The following CBLN2 variants were observed in gnomAD, a reference collection of about 807,000 sequenced individuals.
CBLN2 encodes cerebellin-2.
In CBLN2, 7 loss-of-function variants were observed where a neutral mutation model predicts 15.0. The ratio of observed to expected loss-of-function variants is 0.47; its 90% CI spans 0.27 to 0.88. The LOEUF is 0.88. CBLN2 is among the 40% of genes least tolerant of loss of function. The probability of loss-of-function intolerance (pLI) is 0.14; values close to 1 mark genes in which losing one functional copy is unlikely to be tolerated. For missense variants in CBLN2, 242 were observed against 304.5 expected, an observed-to-expected ratio of 0.79 and a Z score of 1.53; for synonymous variants, 149 against 135.2, an observed-to-expected ratio of 1.10 and a Z score of -0.71.
intron 2 of CBLN2, among the ~76,000 whole-genome samples, chr18:72,542,603 C>G (rs958630731): frequency 2.0e-5 from 3 of 152,102 alleles, no homozygotes; most frequent in Admixed American, 6.5e-5. Context: ...AGACGGGCCC[C>G]GAGACCCTCA....
intron 1 of CBLN2, among the ~76,000 whole-genome samples, chr18:72,614,167 C>A (rs2069641767): frequency 6.6e-6 from 1 of 152,114 alleles, no homozygotes; most frequent in Admixed American, 6.5e-5. Context: ...TAAAGTGGTA[C>A]CTTTACCTTT....
chr18:72,591,675 C>G (rs1210398871), intron 1 of CBLN2, among the ~76,000 whole-genome samples: 1 of 152,122 alleles, frequency 6.6e-6, no homozygotes. Context: ...TGGTAACCAT[C>G]ATTCTACTCT....
intron 1 of CBLN2, among the ~76,000 whole-genome samples, chr18:72,555,180 A>T (rs2069217850): frequency 1.3e-5 from 2 of 152,036 alleles, no homozygotes; most frequent in Non-Finnish European, 2.9e-5. Context: ...GAGAGGGAAA[A>T]AAAAGCAAAT....
intron 1 of CBLN2, among the ~76,000 whole-genome samples, chr18:72,635,103 C>T (rs1237839751): frequency 3.3e-5 from 5 of 152,078 alleles, no homozygotes; most frequent in South Asian, 2.1e-4. Flanking sequence ...TTGTTAAACA[C>T]TCAATTGAGC....
intron 1 of CBLN2, among the ~76,000 whole-genome samples, chr18:72,603,595 A>AT (rs1324790897): frequency 2.0e-5 from 3 of 152,186 alleles, no homozygotes; most frequent in African/African-American, 7.2e-5. Context: ...AATAATATAT[A>AT]TCTTCCTTTT....
chr18:72,540,970 A>G (rs1452656146), intron 3 of CBLN2, among the ~76,000 whole-genome samples: 3 of 152,222 alleles, frequency 2.0e-5, no homozygotes, highest in African/African-American at 7.2e-5. Context: ...TTTCTGAAAA[A>G]CAACAGAAAC....
chr18:72,538,200 C>T lies in CBLN2; in HGVS notation c.651G>A (p.Ser217=), dbSNP rs374962749. The change falls in exon 5 of 5, where the codon TCG becomes TCA. Residue 217 remains serine, a synonymous_variant. Transcript: ENST00000269503. ...TTTATAGAGGAAACACCAAGAAGCC[C>T]GAGAATGTGGAGTATTTCCAGCCCC... ...LMGGWKYSTF[S]GFLVFPL 8 of 1,613,920 alleles carry T rather than the reference C, an allele frequency of 5.0e-6. No individual in the cohort carries two copies. Among genetic ancestry groups the T allele is most frequent in the African/African-American group, 1.3e-5 (1 of 74,860 alleles).
At chr18:72,580,245 A>T (rs978363987) in intron 1 of CBLN2, among the ~76,000 whole-genome samples, 30 of 152,156 alleles carry the variant, frequency 2.0e-4, no homozygotes, top group Non-Finnish European at 4.0e-4. Context: ...ATACTTTATA[A>T]AAATGCTTAA....
At chr18:72,635,945 T>C (rs902050792) in intron 1 of CBLN2, among the ~76,000 whole-genome samples, 2 of 152,170 alleles carry the variant, frequency 1.3e-5, no homozygotes, top group Non-Finnish European at 2.9e-5. Context: ...ACCTGCAAAT[T>C]CTTTTAAGGT....
chr18:72,590,828 T>C (rs180914437), intron 1 of CBLN2, among the ~76,000 whole-genome samples: 208 of 152,334 alleles, frequency 1.4e-3, no homozygotes, highest in Middle Eastern at 3.4e-3. Context: ...GACCAAGTCA[T>C]AGAATACTAA....
At chr18:72,570,308 G>A (rs2069323244) in intron 1 of CBLN2, among the ~76,000 whole-genome samples, 1 of 138,404 alleles carries the variant, frequency 7.2e-6, no homozygotes, top group African/African-American at 2.7e-5. Flanking sequence ...TTTTCCCGCG[G>A]CTTACTGCAG....
intron 1 of CBLN2, among the ~76,000 whole-genome samples, chr18:72,610,453 A>G (rs2069614466): frequency 6.6e-6 from 1 of 152,066 alleles, no homozygotes; most frequent in African/African-American, 2.4e-5. Flanking sequence ...TTTTTGTGTA[A>G]TACTATTTTT....
chr18:72,547,752 A>G (rs992498200), upstream of CBLN2, among the ~76,000 whole-genome samples: 4 of 152,150 alleles, frequency 2.6e-5, no homozygotes, highest in Non-Finnish European at 5.9e-5. Flanking sequence ...AATTTATATG[A>G]GGTGATATAT....
chr18:72,584,845 T>G (rs574515154), intron 1 of CBLN2, among the ~76,000 whole-genome samples: 1 of 152,160 alleles, frequency 6.6e-6, no homozygotes, highest in Non-Finnish European at 1.5e-5. Context: ...GCCCGAGTTT[T>G]GATAAGGCCC....
intron 1 of CBLN2, among the ~76,000 whole-genome samples, chr18:72,552,342 C>T (rs2069196881): frequency 6.6e-6 from 1 of 152,016 alleles, no homozygotes. Flanking sequence ...CCTTGACCTC[C>T]CAAAATGCCA....
chr18:72,553,071 C>A (rs1303567931), intron 1 of CBLN2, among the ~76,000 whole-genome samples: 1 of 152,164 alleles, frequency 6.6e-6, no homozygotes, highest in Non-Finnish European at 1.5e-5. Flanking sequence ...GAACTTTGTG[C>A]AAAATGCTGC....
intron 1 of CBLN2, among the ~76,000 whole-genome samples, chr18:72,553,129 AGAG>A (rs2069201469): frequency 6.6e-6 from 1 of 152,228 alleles, no homozygotes; most frequent in Non-Finnish European, 1.5e-5. Context: ...CAGGAGCAGA[AGAG>A]GAGGACTCAC....
intron 1 of CBLN2, among the ~76,000 whole-genome samples, chr18:72,598,913 G>T (rs1424666053): frequency 6.6e-6 from 1 of 152,184 alleles, no homozygotes; most frequent in East Asian, 1.9e-4. Context: ...ATGCCACATG[G>T]TCACTTTCGG....
intron 1 of CBLN2, among the ~76,000 whole-genome samples, chr18:72,615,141 T>A (rs906297328): frequency 1.5e-5 from 2 of 133,646 alleles, no homozygotes; most frequent in Non-Finnish European, 3.2e-5. Context: ...ATTATATAAA[T>A]AAATATAAAT....
Sources: allele counts gnomAD v4.1 joint callset (sites outside exome capture counted in the v4.1 genomes callset), GRCh38; gene constraint gnomAD v4.1.1; transcripts MANE v1.5; gene names NCBI Gene and HGNC (gene_info 2026-07-23, HGNC 2026-07-21).